Variants in CNTNAP2 observed in about 807,000 individuals in gnomAD.
The protein encoded by CNTNAP2 is contactin-associated protein-like 2.
In CNTNAP2, 98 loss-of-function variants were observed where a neutral mutation model predicts 155.2. The observed-to-expected ratio is 0.63, with a 90% confidence interval of 0.54 to 0.75. The LOEUF (loss-of-function observed/expected upper bound fraction) is 0.75. Among genes scored for constraint, CNTNAP2 ranks in the 30% least tolerant of loss-of-function variants. The pLI, the probability that CNTNAP2 is intolerant of heterozygous loss-of-function variation, is 0.00. For synonymous variants in CNTNAP2, 651 were observed against 631.2 expected (o/e 1.03, Z -0.47); for missense variants, 1,727 against 1,688.1 (o/e 1.02, Z -0.40).
In CNTNAP2 at chr7:148,288,111, T is replaced by C. The variant is rs113818921; in HGVS notation, c.3475+20985T>C. Among the ~76,000 whole-genome samples the C allele has an allele frequency of 2.6e-3, 376 of 143,610 alleles. 1 individual carries two copies. The highest frequency in any genetic ancestry group is 9.4e-3 in the African/African-American group (362 of 38,508). The allele number at this position is 143,610 out of a possible 152,430, so 94.2% of individuals were successfully genotyped here. ...AACCTTTTTTTTTTTCTTTTCTTTT[T>C]TTTTTTTAAAGACAGTCTCACACTG... On this transcript the variant is annotated intron_variant, in intron 21 of 23. Transcript: ENST00000361727.
chr7:146,669,058 T>C (rs1800251117), intron 1 of CNTNAP2, among the ~76,000 whole-genome samples: 1 of 152,188 alleles, frequency 6.6e-6, no homozygotes, highest in Admixed American at 6.6e-5. Flanking sequence ...ATGGATACAA[T>C]AATACTTTCC....
intron 10 of CNTNAP2, among the ~76,000 whole-genome samples, chr7:147,403,592 G>T (rs999431630): frequency 2.6e-5 from 4 of 152,122 alleles, no homozygotes; most frequent in African/African-American, 9.7e-5. Flanking sequence ...CTGTTTTAAT[G>T]GTTGTTTGGC....
At chr7:147,050,362 T>A (rs892756960) in intron 4 of CNTNAP2, among the ~76,000 whole-genome samples, 1 of 152,186 alleles carries the variant, frequency 6.6e-6, no homozygotes, top group African/African-American at 2.4e-5. Flanking sequence ...ACTTAATTAG[T>A]TTTTAGTCAG....
intron 9 of CNTNAP2, among the ~76,000 whole-genome samples, chr7:147,384,546 A>C (rs970059722): frequency 4.6e-5 from 7 of 152,314 alleles, no homozygotes; most frequent in African/African-American, 1.7e-4. Context: ...ATGAGGATCA[A>C]GTGTAAAATG....
At chr7:146,852,697 A>G (rs1230590877) in intron 3 of CNTNAP2, among the ~76,000 whole-genome samples, 1 of 152,200 alleles carries the variant, frequency 6.6e-6, no homozygotes, top group Non-Finnish European at 1.5e-5. Flanking sequence ...CCAGAGCCAA[A>G]ACAGCTTTCC....
intron 3 of CNTNAP2, among the ~76,000 whole-genome samples, chr7:146,932,342 A>G (rs928589925): frequency 6.6e-6 from 1 of 151,634 alleles, no homozygotes; most frequent in Non-Finnish European, 1.5e-5. Context: ...AAACCACATG[A>G]TTATCTCAAT....
chr7:147,426,088 AAACC>A (rs1366229448), intron 10 of CNTNAP2, among the ~76,000 whole-genome samples: 1 of 152,128 alleles, frequency 6.6e-6, no homozygotes, highest in Non-Finnish European at 1.5e-5. Context: ...CTATGCCTGT[AAACC>A]AAGATTCTGT....
At chr7:146,703,845 A>G (rs1000637868) in intron 1 of CNTNAP2, among the ~76,000 whole-genome samples, 1 of 152,170 alleles carries the variant, frequency 6.6e-6, no homozygotes, top group African/African-American at 2.4e-5. Context: ...CTTTTGAACC[A>G]TAGCACTTCA....
At chr7:147,830,978 T>A (rs941725205) in intron 13 of CNTNAP2, among the ~76,000 whole-genome samples, 24 of 152,340 alleles carry the variant, frequency 1.6e-4, no homozygotes, top group African/African-American at 5.3e-4. Context: ...CCAATTGCAT[T>A]ACCATAGCCT....
intron 13 of CNTNAP2, among the ~76,000 whole-genome samples, chr7:147,764,434 C>T (rs1014500716): frequency 1.3e-5 from 2 of 152,136 alleles, no homozygotes; most frequent in African/African-American, 2.4e-5. Flanking sequence ...TTCAATCCTC[C>T]CTGATTTTAT....
intron 8 of CNTNAP2, among the ~76,000 whole-genome samples, chr7:147,296,948 G>C (rs1215386367): frequency 6.6e-6 from 1 of 152,142 alleles, no homozygotes; most frequent in African/African-American, 2.4e-5. Context: ...GGAGTTTTCT[G>C]CAGGTGACAG....
intron 3 of CNTNAP2, among the ~76,000 whole-genome samples, chr7:146,935,581 A>G (rs540900565): frequency 2.0e-5 from 3 of 152,324 alleles, no homozygotes; most frequent in Non-Finnish European, 4.4e-5. Context: ...TTAGAAATGT[A>G]TCCCTCATGA....
At chr7:146,971,208 T>TA (rs58719268) in intron 3 of CNTNAP2, among the ~76,000 whole-genome samples, 55,301 of 150,866 alleles carry the variant, frequency 0.37, 10,576 homozygotes, top group Middle Eastern at 0.43. Flanking sequence ...AAAGTATAAT[T>TA]AAAAAAAAAG....
At chr7:147,007,060 T>C (rs2129242746) in intron 3 of CNTNAP2, among the ~76,000 whole-genome samples, 1 of 152,274 alleles carries the variant, frequency 6.6e-6, no homozygotes, top group South Asian at 2.1e-4. Context: ...TCAAAACATG[T>C]GTACTACACT....
chr7:147,018,564 G>A (rs895996418), intron 3 of CNTNAP2, among the ~76,000 whole-genome samples: 9 of 152,164 alleles, frequency 5.9e-5, no homozygotes, highest in African/African-American at 1.9e-4. Context: ...TTCAGATAAA[G>A]TTATTTAGTT....
chr7:147,122,587 C>T (rs2129283058), intron 6 of CNTNAP2: 1 of 152,294 alleles, frequency 6.6e-6, no homozygotes, highest in Admixed American at 6.5e-5. Flanking sequence ...TTTTACTCTA[C>T]ATGATACTCT....
chr7:147,514,018 C>T (rs1354668671), intron 11 of CNTNAP2, among the ~76,000 whole-genome samples: 6 of 152,156 alleles, frequency 3.9e-5, no homozygotes, highest in African/African-American at 1.4e-4. Context: ...CAGATCTCTG[C>T]TGGAAATGAA....
At chr7:146,221,900 C>G (rs755958010) in intron 1 of CNTNAP2, among the ~76,000 whole-genome samples, 8 of 152,108 alleles carry the variant, frequency 5.3e-5, no homozygotes, top group Non-Finnish European at 1.2e-4. Flanking sequence ...TCATTGCATT[C>G]AAGGAAAAGA....
rs184003184 is a variant in CNTNAP2 at position 147,193,122 on chromosome 7, G to A, written c.1348+60613G>A. On this transcript the variant is annotated intron_variant, in intron 8 of 23. Coordinates refer to ENST00000361727, the MANE Select transcript of CNTNAP2 (RefSeq NM_014141.6). The stretch of plus-strand genomic sequence containing the variant: ...CAATAATATTAGTAGTTAATTACTC[G>A]TTGCTATTAGTAATTATTTTGCTTG... Among the ~76,000 whole-genome samples the A allele has an allele frequency of 2.8e-3, 426 of 152,190 alleles. 1 individual carries two copies. Among genetic ancestry groups the A allele is most frequent in the Non-Finnish European group, 3.3e-3 (224 of 68,024 alleles).
Sources: allele counts gnomAD v4.1 joint callset (sites outside exome capture counted in the v4.1 genomes callset), GRCh38; gene constraint gnomAD v4.1.1; transcripts MANE v1.5; gene names NCBI Gene and HGNC (gene_info 2026-07-23, HGNC 2026-07-21).